UBAC1: variants seen among roughly 807,000 people sequenced by gnomAD.
The protein encoded by UBAC1 is ubiquitin-associated domain-containing protein 1.
UBAC1 carries 27 observed loss-of-function variants against 45.9 expected under a neutral mutation model. That is an observed-to-expected ratio of 0.59 (90% CI 0.43 to 0.81). UBAC1 has a LOEUF of 0.81. Ranked by LOEUF, UBAC1 falls within the 30% of genes least tolerant of loss-of-function variation. The probability of loss-of-function intolerance (pLI) is 0.00; values close to 1 mark genes in which losing one functional copy is unlikely to be tolerated. For missense variants in UBAC1, 529 were observed against 539.2 expected (o/e 0.98, Z 0.19); for synonymous variants, 227 against 215.5 (o/e 1.05, Z -0.47).
chr9:135,939,551 C>CA (rs1839243808), intron 8 of UBAC1, 122 bp downstream of exon 8: 1 of 946,062 alleles, frequency 1.1e-6, no homozygotes, highest in South Asian at 1.6e-5. Context: ...CACCACAGCC[C>CA]ACACTCACCA....
intron 9 of UBAC1, among the ~76,000 whole-genome samples, chr9:135,936,565 G>A (rs894702251): frequency 8.7e-5 from 13 of 150,276 alleles, no homozygotes; most frequent in Non-Finnish European, 1.2e-4. Context: ...GCACGATCTC[G>A]GCTCACTGCA....
At chr9:135,960,254 T>C (rs990508215) in intron 1 of UBAC1, among the ~76,000 whole-genome samples, 19 of 152,208 alleles carry the variant, frequency 1.2e-4, no homozygotes, top group African/African-American at 4.3e-4. Flanking sequence ...CTGAGTCCTT[T>C]AGAGACTCGA....
At position 135,947,802 on chromosome 9, in the gene UBAC1, C is replaced by T; in HGVS notation, c.437G>A (p.Arg146Lys). 6.2e-7 allele frequency: 1 copy of T among 1,613,374 alleles called. No individual in the cohort carries two copies. Among genetic ancestry groups the T allele is most frequent in the Non-Finnish European group, 8.5e-7 (1 of 1,179,734 alleles). ...MDRAAVQTNMRDFQTELRKIL... is the reference protein window; with the variant it reads ...MDRAAVQTNMKDFQTELRKIL... ...CCGCTCTGGGCTGACACTCACGTCTCTCATGTTGGTCTGGACCGCGGCCCG... is the reference window on the plus strand; with the variant it reads ...CCGCTCTGGGCTGACACTCACGTCTTTCATGTTGGTCTGGACCGCGGCCCG... Residue 146 changes from arginine to lysine, a missense_variant, in exon 4 of 10, where the codon AGA becomes AAA. Transcript: ENST00000371756.
intron 1 of UBAC1, among the ~76,000 whole-genome samples, chr9:135,957,765 A>G (rs1176463848): frequency 1.4e-5 from 2 of 138,188 alleles, no homozygotes; most frequent in Admixed American, 1.6e-4. Flanking sequence ...AATTTTATGA[A>G]CTCCTTCTTT....
chr9:135,940,355 G>A (rs377450515), intron 7 of UBAC1, among the ~76,000 whole-genome samples: 18 of 151,942 alleles, frequency 1.2e-4, no homozygotes, highest in South Asian at 4.2e-4. Flanking sequence ...CGAGGCAGGC[G>A]GATCACCAGG....
intron 8 of UBAC1, among the ~76,000 whole-genome samples, chr9:135,938,612 T>C (rs1839227847): frequency 6.6e-6 from 1 of 152,258 alleles, no homozygotes; most frequent in African/African-American, 2.4e-5. Context: ...CAGGGATCAC[T>C]GACTGCTGCC....
chr9:135,935,526 T>C (rs1839193132), intron 9 of UBAC1, among the ~76,000 whole-genome samples: 1 of 152,068 alleles, frequency 6.6e-6, no homozygotes, highest in Admixed American at 6.6e-5. Context: ...ATGCCTGTAG[T>C]CATAACTACC....
intron 7 of UBAC1, among the ~76,000 whole-genome samples, chr9:135,941,692 C>T (rs1839271043): frequency 6.6e-6 from 1 of 152,242 alleles, no homozygotes; most frequent in Non-Finnish European, 1.5e-5. Context: ...CCCTCCCAGC[C>T]CATGGGGGCA....
intron 1 of UBAC1, among the ~76,000 whole-genome samples, chr9:135,959,332 ACAG>A (rs34773979): frequency 0.22 from 32,575 of 150,130 alleles, 4,174 homozygotes; most frequent in Non-Finnish European, 0.3. Flanking sequence ...CAGGGAGGAC[ACAG>A]CAGCACCTCA....
chr9:135,956,970 G>A (rs1839474420), intron 1 of UBAC1, among the ~76,000 whole-genome samples: 1 of 152,188 alleles, frequency 6.6e-6, no homozygotes, highest in Admixed American at 6.5e-5. Flanking sequence ...GCCGTCCTCG[G>A]ACGTCTCAGG....
At chr9:135,947,082 T>C (rs1839346577) in intron 4 of UBAC1, among the ~76,000 whole-genome samples, 1 of 152,190 alleles carries the variant, frequency 6.6e-6, no homozygotes, top group Non-Finnish European at 1.5e-5. Flanking sequence ...CTTATAGCAG[T>C]GCCCTTAGGT....
intron 9 of UBAC1, among the ~76,000 whole-genome samples, chr9:135,936,878 T>C (rs993618896): frequency 1.3e-5 from 2 of 151,888 alleles, no homozygotes; most frequent in African/African-American, 4.8e-5. Context: ...TGCCCATCAG[T>C]GTGAGGAAAT....
At chr9:135,939,847 A>G (rs1486117396) in intron 7 of UBAC1, 88 bp from the exon 8 acceptor site, 12 of 1,141,998 alleles carry the variant, frequency 1.1e-5, no homozygotes, top group Non-Finnish European at 1.2e-5. Context: ...CGCTCCCCGC[A>G]CCCTAGCGGA....
At chr9:135,959,512 T>C (rs1839507331) in intron 1 of UBAC1, among the ~76,000 whole-genome samples, 4 of 151,876 alleles carry the variant, frequency 2.6e-5, no homozygotes, top group South Asian at 4.2e-4. Flanking sequence ...GTAGCTGGGA[T>C]TACAGGCACA....
At chr9:135,943,436 T>C (rs992336015) in intron 7 of UBAC1, among the ~76,000 whole-genome samples, 3 of 152,110 alleles carry the variant, frequency 2.0e-5, no homozygotes, top group Non-Finnish European at 4.4e-5. Flanking sequence ...AGAATGATGA[T>C]TATTAAAAAG....
intron 9 of UBAC1, among the ~76,000 whole-genome samples, chr9:135,937,566 G>A (rs1012597761): frequency 6.6e-5 from 10 of 151,848 alleles, no homozygotes; most frequent in African/African-American, 1.9e-4. Flanking sequence ...GTCAGTCACA[G>A]AGGCCTGCTT....
intron 1 of UBAC1, among the ~76,000 whole-genome samples, chr9:135,956,458 A>G (rs1564199760): frequency 6.6e-6 from 1 of 152,128 alleles, no homozygotes. Context: ...AATGGCAAAC[A>G]CTGATGGTGC....
chr9:135,955,438 A>C (rs756300826), intron 1 of UBAC1, 23 bp from the exon 2 acceptor site: 3 of 1,513,148 alleles, frequency 2.0e-6, no homozygotes, highest in Admixed American at 4.7e-5. Context: ...AGAAATTTCA[A>C]GGTAGAAAAT....
intron 3 of UBAC1, 25 bp from the exon 4 acceptor site, chr9:135,947,930 T>C: frequency 6.2e-7 from 1 of 1,604,038 alleles, no homozygotes; most frequent in Non-Finnish European, 8.5e-7. Flanking sequence ...AATCAGAAAG[T>C]CTGAGGTGAA....
Sources: gnomAD v4.1 joint callset for allele counts (sites outside exome capture counted in the v4.1 genomes callset) on GRCh38, gnomAD v4.1.1 for gene constraint, MANE v1.5 for transcripts, NCBI Gene and HGNC (gene_info 2026-07-23, HGNC 2026-07-21) for gene names.